The following AFAP1L2 variants were observed in gnomAD, a reference collection of about 807,000 sequenced individuals.
AFAP1L2 encodes the protein actin filament-associated protein 1-like 2.
In AFAP1L2, 46 loss-of-function variants were observed where a neutral mutation model predicts 99.3. The observed-to-expected ratio is 0.46, with a 90% CI of 0.37 to 0.59. The LOEUF (loss-of-function observed/expected upper bound fraction) is 0.59. Among genes scored for constraint, AFAP1L2 ranks in the 20% least tolerant of loss-of-function variants. The pLI, the probability that AFAP1L2 is intolerant of heterozygous loss-of-function variation, is 0.00. For synonymous variants in AFAP1L2, 397 were observed against 419.1 expected (o/e 0.95, Z 0.64); for missense variants, 959 against 1,034.9 (o/e 0.93, Z 1.01).
intron 1 of AFAP1L2, among the ~76,000 whole-genome samples, chr10:114,400,335 C>T (rs1472177283): frequency 6.6e-6 from 1 of 152,080 alleles, no homozygotes; most frequent in Non-Finnish European, 1.5e-5. Context: ...TCTGCTTGGC[C>T]TTTCAGCACC....
At chr10:114,382,896 T>C (rs2055891455) in intron 1 of AFAP1L2, among the ~76,000 whole-genome samples, 1 of 152,108 alleles carries the variant, frequency 6.6e-6, no homozygotes, top group African/African-American at 2.4e-5. Context: ...TGCCCAGCAA[T>C]ATTATGTATA....
rs1554902751 is a variant in AFAP1L2 at position 114,327,147 on chromosome 10, T to TTATATTTATATATATA, written c.316-3887_316-3886insTATATATATAAATATA. 4.2e-4 allele frequency among the ~76,000 whole-genome samples: 23 copies of TTATATTTATATATATA among 54,568 alleles called. 1 individual carries two copies. Among genetic ancestry groups the TTATATTTATATATATA allele is most frequent in the Non-Finnish European group, 8.3e-4 (17 of 20,550 alleles). The allele number at this position is 54,568 out of a possible 152,430, so 35.8% of individuals were successfully genotyped here. A position where few individuals can be genotyped will look rare whatever the true frequency, so the allele number is the denominator to read the frequency against. Reference sequence around the variant, plus strand: ...TGAAGACCGTGAATTTTATATATATTTATATATATATATATATATATATAT... The same window carrying TTATATTTATATATATA: ...TGAAGACCGTGAATTTTATATATATTTATATTTATATATATATATATATATATATATATATATATAT... On this transcript the variant is annotated intron_variant, in intron 4 of 18. Transcript: ENST00000304129.
intron 1 of AFAP1L2, among the ~76,000 whole-genome samples, chr10:114,344,373 C>T (rs182387407): frequency 4.6e-5 from 7 of 152,228 alleles, no homozygotes; most frequent in African/African-American, 1.7e-4. Context: ...GCAAGGCAAT[C>T]GGGGTCTCAA....
chr10:114,334,853 C>T (rs774103120), intron 2 of AFAP1L2, among the ~76,000 whole-genome samples: 21 of 152,246 alleles, frequency 1.4e-4, no homozygotes, highest in South Asian at 8.3e-4. Flanking sequence ...TTTGCCGTAA[C>T]GGCATCATTC....
downstream of AFAP1L2, chr10:114,291,558 TGA>T (rs2039600611): frequency 3.0e-6 from 1 of 329,508 alleles, no homozygotes; most frequent in African/African-American, 2.2e-5. Flanking sequence ...ACCTTTCCCT[TGA>T]GGATAAACAA....
chr10:114,298,010 T>C (rs1468500), intron 16 of AFAP1L2, among the ~76,000 whole-genome samples: 102,193 of 152,110 alleles, frequency 0.67, 38,921 homozygotes, highest in Non-Finnish European at 0.84. Flanking sequence ...ACAGATGCTA[T>C]TGAAGGACCA....
the AFAP1L2 span, chr10:114,286,576 C>T: frequency 1.7e-5 from 23 of 1,383,422 alleles, no homozygotes; most frequent in Non-Finnish European, 2.1e-5. Context: ...CTTTTGGCCA[C>T]CACCTAACCA....
At chr10:114,299,012 A>G (rs904033567) in intron 16 of AFAP1L2, among the ~76,000 whole-genome samples, 5 of 152,222 alleles carry the variant, frequency 3.3e-5, no homozygotes, top group Non-Finnish European at 5.9e-5. Flanking sequence ...TCCTTTAACT[A>G]GCTTTTACGA....
At chr10:114,393,836 T>C (rs928711696) in intron 1 of AFAP1L2, among the ~76,000 whole-genome samples, 2 of 152,244 alleles carry the variant, frequency 1.3e-5, no homozygotes, top group African/African-American at 4.8e-5. Flanking sequence ...GCTTGCCCGC[T>C]GAGAAGCAAG....
Position 114,403,267 on chromosome 10 carries a change from T to G in AFAP1L2, c.16+1173A>C, listed in dbSNP as rs557271339. Among the ~76,000 whole-genome samples the G allele has an allele frequency of 1.6e-4, 25 of 152,318 alleles. 1 individual carries two copies. The South Asian group carries it at 5.2e-3, about 32-fold the overall frequency. On this transcript the variant is annotated intron_variant, in intron 1 of 18. Coordinates refer to ENST00000304129, the MANE Select transcript of AFAP1L2 (RefSeq NM_001001936.3). ...GAATATATGAAGCTCTGTCTGGGAC[T>G]TGGATCTTTTGCCTTCACCAGTAAC... is the stretch of plus-strand genomic sequence containing the variant.
At chr10:114,353,958 G>C (rs376279535) in intron 1 of AFAP1L2, among the ~76,000 whole-genome samples, 49 of 152,324 alleles carry the variant, frequency 3.2e-4, no homozygotes, top group African/African-American at 1.2e-3. Flanking sequence ...ACTTATTCCA[G>C]GGAGTGCTGA....
chr10:114,295,127 C>T lies in AFAP1L2; in HGVS notation c.*915G>A, dbSNP rs1002320172. On this transcript the variant is annotated 3_prime_UTR_variant, in exon 19 of 19. Coordinates refer to ENST00000304129, the MANE Select transcript of AFAP1L2 (RefSeq NM_001001936.3). ...CCTAACCAAAAATCACCACTTTGTT[C>T]TTGGAAGGAGAATGAACATTAAACA... 1.3e-5 allele frequency: 13 copies of T among 985,210 alleles called. No individual in the cohort carries two copies. The allele number at this position is 985,210 out of a possible 1,614,324, so 61.0% of individuals were successfully genotyped here. A position where few individuals can be genotyped will look rare whatever the true frequency, so the allele number is the denominator to read the frequency against.
downstream of AFAP1L2, among the ~76,000 whole-genome samples, chr10:114,293,998 T>TATTA (rs1370393857): frequency 9.9e-5 from 15 of 152,222 alleles, no homozygotes; most frequent in African/African-American, 2.9e-4. Flanking sequence ...TAAGAGTGTT[T>TATTA]ATTACATGTT....
At chr10:114,291,387 T>C (rs2039586136), downstream of AFAP1L2, 3 of 897,964 alleles carry the variant, frequency 3.3e-6, no homozygotes, top group South Asian at 5.4e-5. Context: ...AGGACCACTA[T>C]TCTCACTGAG....
At chr10:114,396,798 G>A (rs2057764561) in intron 1 of AFAP1L2, among the ~76,000 whole-genome samples, 1 of 152,190 alleles carries the variant, frequency 6.6e-6, no homozygotes, top group African/African-American at 2.4e-5. Context: ...TGGCTGCCTG[G>A]CCTTTAGGGG....
At chr10:114,282,466 C>G in the AFAP1L2 span, 1 of 1,456,470 alleles carries the variant, frequency 6.9e-7, no homozygotes, top group Non-Finnish European at 9.6e-7. Context: ...GTTTTCTGCC[C>G]TCCCCTTACA....
rs534182043 is a variant in AFAP1L2, at chr10:114,320,801, C to T, written c.406+2370G>A. 2.0e-3 allele frequency among the ~76,000 whole-genome samples: 302 copies of T among 152,340 alleles called. 1 individual carries two copies. The highest frequency in any genetic ancestry group is 7.0e-3 in the African/African-American group (289 of 41,580). ...TCTGGCAGGCAGGCCCCTGCTGGCCCGGCCACACCTGGGAGCAGGGAAGTG... is the reference window on the plus strand; with the variant it reads ...TCTGGCAGGCAGGCCCCTGCTGGCCTGGCCACACCTGGGAGCAGGGAAGTG... On this transcript the variant is annotated intron_variant, in intron 5 of 18. Transcript: ENST00000304129.
chr10:114,330,197 C>T (rs1048015458), intron 4 of AFAP1L2, among the ~76,000 whole-genome samples: 3 of 152,202 alleles, frequency 2.0e-5, no homozygotes, highest in African/African-American at 4.8e-5. Flanking sequence ...TCAGCTGTGG[C>T]CCCTTCCCCC....
intron 2 of AFAP1L2, among the ~76,000 whole-genome samples, chr10:114,340,085 C>T (rs1191711336): frequency 6.6e-6 from 1 of 150,528 alleles, no homozygotes. Flanking sequence ...AATCCCAGCA[C>T]TTTGAGGGGC....
Sources: gnomAD v4.1 joint callset for allele counts (sites outside exome capture counted in the v4.1 genomes callset) on GRCh38, gnomAD v4.1.1 for gene constraint, MANE v1.5 for transcripts, NCBI Gene and HGNC (gene_info 2026-07-23, HGNC 2026-07-21) for gene names.